CNTNAP2: variants seen among roughly 807,000 people sequenced by gnomAD.
The protein encoded by CNTNAP2 is contactin-associated protein-like 2.
In CNTNAP2, 98 loss-of-function variants were observed where a neutral mutation model predicts 155.2. That is an observed-to-expected ratio of 0.63 (90% CI 0.54 to 0.75). The LOEUF is 0.75. CNTNAP2 is among the 30% of genes least tolerant of loss of function. The probability of loss-of-function intolerance (pLI) is 0.00; values close to 1 mark genes in which losing one functional copy is unlikely to be tolerated. For synonymous variants in CNTNAP2, 651 were observed against 631.2 expected, an observed-to-expected ratio of 1.03 and a Z score of -0.47; for missense variants, 1,727 against 1,688.1, an observed-to-expected ratio of 1.02 and a Z score of -0.40.
At chr7:147,666,521 A>G (rs977623822) in intron 13 of CNTNAP2, among the ~76,000 whole-genome samples, 1 of 152,144 alleles carries the variant, frequency 6.6e-6, no homozygotes, top group African/African-American at 2.4e-5. Flanking sequence ...TGGTTTATGT[A>G]TTTACTATGC....
intron 11 of CNTNAP2, among the ~76,000 whole-genome samples, chr7:147,487,365 CAA>C (rs1271998204): frequency 2.6e-5 from 4 of 151,996 alleles, no homozygotes; most frequent in Non-Finnish European, 4.4e-5. Context: ...GAAATTAATT[CAA>C]AGAGTTATAA....
At chr7:147,300,701 G>A (rs900334684) in intron 9 of CNTNAP2, among the ~76,000 whole-genome samples, 5 of 152,102 alleles carry the variant, frequency 3.3e-5, no homozygotes, top group South Asian at 2.1e-4. Flanking sequence ...TTTGCTGAGC[G>A]AGTCTTTCAT....
chr7:147,825,184 G>A (rs1365494227), intron 13 of CNTNAP2, among the ~76,000 whole-genome samples: 1 of 152,084 alleles, frequency 6.6e-6, no homozygotes, highest in African/African-American at 2.4e-5. Context: ...TTTATATGTT[G>A]AGCTGTTAAA....
chr7:147,721,339 A>G (rs1393248730), intron 13 of CNTNAP2, among the ~76,000 whole-genome samples: 3 of 152,064 alleles, frequency 2.0e-5, no homozygotes, highest in Non-Finnish European at 4.4e-5. Context: ...ATCAGAATAT[A>G]TATGTTATGG....
chr7:146,784,277 G>C (rs1802537295), intron 2 of CNTNAP2, among the ~76,000 whole-genome samples: 1 of 152,108 alleles, frequency 6.6e-6, no homozygotes, highest in South Asian at 2.1e-4. Flanking sequence ...ATTGATCCCT[G>C]CTGCCGCCTT....
intron 1 of CNTNAP2, among the ~76,000 whole-genome samples, chr7:146,321,063 AT>A (rs1425975787): frequency 6.7e-6 from 1 of 149,706 alleles, no homozygotes; most frequent in East Asian, 1.9e-4. Flanking sequence ...TTTCAAAAAA[AT>A]ATTGTAAAGT....
At chr7:147,521,532 G>C (rs1228031816) in intron 11 of CNTNAP2, among the ~76,000 whole-genome samples, 1 of 152,192 alleles carries the variant, frequency 6.6e-6, no homozygotes, top group African/African-American at 2.4e-5. Context: ...GGAAGAGCCT[G>C]CCCCAAGGTG....
intron 22 of CNTNAP2, among the ~76,000 whole-genome samples, chr7:148,389,226 T>G (rs1799290175): frequency 6.6e-6 from 1 of 152,232 alleles, no homozygotes; most frequent in Non-Finnish European, 1.5e-5. Flanking sequence ...AATCTCATCT[T>G]GAATTCCCAT....
chr7:147,879,323 G>C (rs1799480397), intron 13 of CNTNAP2, among the ~76,000 whole-genome samples: 1 of 152,064 alleles, frequency 6.6e-6, no homozygotes, highest in South Asian at 2.1e-4. Context: ...TCAGAGCCAG[G>C]GTCACAAAGC....
intron 8 of CNTNAP2, among the ~76,000 whole-genome samples, chr7:147,226,954 G>C (rs546816184): frequency 9.2e-5 from 14 of 152,216 alleles, no homozygotes; most frequent in South Asian, 6.2e-4. Context: ...CTTATATTTT[G>C]GTGGAAAGAT....
chr7:147,245,064 A>G (rs1373186182), intron 8 of CNTNAP2, among the ~76,000 whole-genome samples: 2 of 151,980 alleles, frequency 1.3e-5, no homozygotes, highest in African/African-American at 4.8e-5. Flanking sequence ...AAGACATTAA[A>G]CCTCTGGAGG....
intron 10 of CNTNAP2, among the ~76,000 whole-genome samples, chr7:147,470,443 C>A (rs549202756): frequency 6.6e-6 from 1 of 151,468 alleles, no homozygotes; most frequent in Admixed American, 6.6e-5. Context: ...ACAATAGCGT[C>A]TTGGATTATG....
Position 147,932,942 on chromosome 7 carries a change from G to A in CNTNAP2, c.2255+29221G>A, listed in dbSNP as rs1800532488. 2.0e-5 allele frequency among the ~76,000 whole-genome samples: 3 copies of A among 152,172 alleles called. No individual in the cohort carries two copies. In the South Asian group the frequency reaches 6.2e-4, roughly 32 times the overall value. ...TTATCCAAAGAAGATATACAACTGG[G>A]CAATAGATACATAAAAAGATTGTTC... On this transcript the variant is annotated intron_variant, in intron 14 of 23. Transcript: ENST00000361727.
At chr7:147,101,195 G>C (rs753214874) in intron 4 of CNTNAP2, among the ~76,000 whole-genome samples, 5 of 152,224 alleles carry the variant, frequency 3.3e-5, no homozygotes, top group African/African-American at 1.2e-4. Flanking sequence ...CTATATCATT[G>C]AGGGTGGTAT....
chr7:146,974,434 G>A (rs937379325), intron 3 of CNTNAP2, among the ~76,000 whole-genome samples: 5 of 140,580 alleles, frequency 3.6e-5, no homozygotes, highest in South Asian at 2.3e-4. Flanking sequence ...GCAAAACTCC[G>A]TCTTAAAAAA....
At chr7:146,820,959 C>A (rs1463034751) in intron 2 of CNTNAP2, among the ~76,000 whole-genome samples, 1 of 152,072 alleles carries the variant, frequency 6.6e-6, no homozygotes, top group East Asian at 1.9e-4. Flanking sequence ...GGTTTAAAGT[C>A]TGTTTTATCA....
chr7:146,404,700 C>T (rs73738756), intron 1 of CNTNAP2, among the ~76,000 whole-genome samples: 13,323 of 152,094 alleles, frequency 0.088, 652 homozygotes, highest in Middle Eastern at 0.13. Context: ...CTCAGCCATC[C>T]CTTCCTTGCC....
intron 1 of CNTNAP2, among the ~76,000 whole-genome samples, chr7:146,326,567 G>T (rs1015505435): frequency 6.6e-6 from 1 of 152,118 alleles, no homozygotes; most frequent in African/African-American, 2.4e-5. Flanking sequence ...AGGTAATTGA[G>T]CATTTAATAT....
chr7:146,768,609 A>G (rs1802240523), intron 1 of CNTNAP2, among the ~76,000 whole-genome samples: 2 of 151,946 alleles, frequency 1.3e-5, no homozygotes, highest in South Asian at 4.2e-4. Context: ...CAGAAGTTGA[A>G]TGTACACGTA....
Sources: gnomAD v4.1 joint callset for allele counts (sites outside exome capture counted in the v4.1 genomes callset) on GRCh38, gnomAD v4.1.1 for gene constraint, MANE v1.5 for transcripts, NCBI Gene and HGNC (gene_info 2026-07-23, HGNC 2026-07-21) for gene names.